Variants in DCP1B observed in about 807,000 individuals in gnomAD.
DCP1B encodes the protein mRNA-decapping enzyme 1B.
DCP1B carries 47 observed loss-of-function variants against 60.5 expected under a neutral mutation model. That is an observed-to-expected ratio of 0.78 (90% CI 0.61 to 0.99). The LOEUF (loss-of-function observed/expected upper bound fraction) is 0.99, where lower values mean the gene tolerates loss of function less well. Ranked by LOEUF, DCP1B falls within the 50% of genes least tolerant of loss-of-function variation. The pLI, the probability that DCP1B is intolerant of heterozygous loss-of-function variation, is 0.00. For missense variants in DCP1B, 725 were observed against 756.8 expected, an observed-to-expected ratio of 0.96 and a Z score of 0.49; for synonymous variants, 267 against 280.3, an observed-to-expected ratio of 0.95 and a Z score of 0.47.
chr12:1,986,810 C>A (rs1313481424), intron 3 of DCP1B, among the ~76,000 whole-genome samples: 1 of 152,192 alleles, frequency 6.6e-6, no homozygotes, highest in Non-Finnish European at 1.5e-5. Context: ...TGTCTGTTGT[C>A]ATTTACTTTC....
At chr12:1,966,340 C>T (rs1245254657) in intron 4 of DCP1B, among the ~76,000 whole-genome samples, 4 of 152,200 alleles carry the variant, frequency 2.6e-5, no homozygotes, top group South Asian at 2.1e-4. Flanking sequence ...CTTAGAGCAA[C>T]GAGGAGTTCT....
Position 1,965,693 on chromosome 12 carries a change from G to A in DCP1B, c.387C>T (p.Asn129=), listed in dbSNP as rs1433815099. ...CTTTCAACTGTTCATACTGAGTTAGGCTAGAAAAACAGAGGGGAAAATCCA... is the reference window on the plus strand; with the variant it reads ...CTTTCAACTGTTCATACTGAGTTAGACTAGAAAAACAGAGGGGAAAATCCA... The part of the protein sequence containing the change: ...ECQRIAELMK[N]LTQYEQLKAH... The change falls in exon 5 of 9, where the codon AAC becomes AAT. Residue 129 remains asparagine, a splice_region_variant and synonymous_variant. Transcript: ENST00000280665. The A allele has an allele frequency of 6.2e-7, 1 of 1,601,812 alleles. No homozygotes were observed. Among genetic ancestry groups the A allele is most frequent in the East Asian group, 2.3e-5 (1 of 44,206 alleles).
In DCP1B at chr12:1,967,842, A is replaced by T. The variant is rs1408037653; in HGVS notation, c.386+2T>A. ...AAAAATATTTAGCCTTTTAGTACTT[A>T]CTTTTTCATAAGCTCTGCAATTCTT... is the stretch of plus-strand genomic sequence containing the variant. On this transcript the variant is annotated splice_donor_variant, in intron 4 of 8. Transcript: ENST00000280665. LOFTEE classifies it high-confidence loss of function. 6.2e-7 allele frequency: 1 copy of T among 1,611,554 alleles called. No homozygotes were observed. Among genetic ancestry groups the T allele is most frequent in the East Asian group, 2.2e-5 (1 of 44,740 alleles).
In DCP1B at chr12:1,950,110, C is replaced by T. The variant is rs1357639077; in HGVS notation, c.1525-776G>A. ...AAAAAGAATGTTATTTATCAGCCTC[C>T]GAACTCCCCGAAAGAACTCCTAAGA... On this transcript the variant is annotated intron_variant, in intron 7 of 8. Coordinates refer to ENST00000280665, the MANE Select transcript of DCP1B (RefSeq NM_152640.5). The T allele has an allele frequency of 4.7e-5, 25 of 530,618 alleles. 1 individual carries two copies. Among genetic ancestry groups the T allele is most frequent in the Non-Finnish European group, 7.7e-5 (23 of 297,568 alleles). The allele number at this position is 530,618 out of a possible 1,614,324, so 32.9% of individuals were successfully genotyped here.
chr12:1,980,490 T>C (rs938151241), intron 3 of DCP1B, among the ~76,000 whole-genome samples: 2 of 152,080 alleles, frequency 1.3e-5, no homozygotes, highest in African/African-American at 4.8e-5. Context: ...GAGTCAGATA[T>C]ATGTACATGT....
At chr12:1,975,988 G>A (rs916953531) in intron 3 of DCP1B, among the ~76,000 whole-genome samples, 1 of 152,242 alleles carries the variant, frequency 6.6e-6, no homozygotes, top group African/African-American at 2.4e-5. Context: ...ACTATCTGGT[G>A]TCACAACTCA....
chr12:1,949,048 C>G (rs368028506), intron 8 of DCP1B, 38 bp downstream of exon 8: 4 of 1,595,756 alleles, frequency 2.5e-6, no homozygotes, highest in African/African-American at 1.3e-5. Context: ...GGCCAACAGG[C>G]GTGGTCAGGT....
At chr12:1,998,040 A>G in intron 1 of DCP1B, 65 bp from the exon 2 acceptor site, 1 of 1,407,528 alleles carries the variant, frequency 7.1e-7, no homozygotes, top group East Asian at 2.4e-5. Context: ...GGTATAAAAC[A>G]AATTCTCATA....
Position 1,955,496 on chromosome 12 carries a change from A to T in DCP1B, c.587T>A (p.Leu196His), listed in dbSNP as rs769308617. The change falls in exon 6 of 9, where the codon CTC becomes CAC. Residue 196 changes from leucine (L) to histidine (H), a missense_variant. Leu to His is a moderately conservative substitution (Grantham distance 99). Coordinates refer to ENST00000280665, the MANE Select transcript of DCP1B (RefSeq NM_152640.5). The part of the protein sequence containing the change: ...SSSAIYDNPN[L>H]IKPIPVKPSE... ...GGGTTTCACTGGAATTGGTTTGATG[A>T]GATTTGGATTGTCATAGATGGCAGA... 1 of 1,613,900 alleles carries T rather than the reference A, an allele frequency of 6.2e-7. No individual in the cohort carries two copies. The highest frequency in any genetic ancestry group is 8.5e-7 in the Non-Finnish European group (1 of 1,179,850).
At chr12:2,002,992 C>G (rs1172243085) in intron 1 of DCP1B, among the ~76,000 whole-genome samples, 2 of 152,120 alleles carry the variant, frequency 1.3e-5, no homozygotes, top group Admixed American at 6.5e-5. Flanking sequence ...TCAAGAGGTA[C>G]ACTTTCTATT....
chr12:1,948,287 G>A lies in DCP1B; in HGVS notation c.1773+799C>T, dbSNP rs1338867312. Reference sequence around the variant, plus strand: ...CATTCATGTGGTGAACGTGGCCCACGGGAGAGTACGTGGGAAGTGGCACTC... The same window carrying A: ...CATTCATGTGGTGAACGTGGCCCACAGGAGAGTACGTGGGAAGTGGCACTC... On this transcript the variant is annotated intron_variant, in intron 8 of 8. Coordinates refer to ENST00000280665, the MANE Select transcript of DCP1B (RefSeq NM_152640.5). The surrounding 1 kb of genome is among the most constrained non-coding windows in gnomAD (Gnocchi z 4.8). 3.9e-5 allele frequency among the ~76,000 whole-genome samples: 6 copies of A among 152,206 alleles called. No individual in the cohort carries two copies. Among genetic ancestry groups the A allele is most frequent in the African/African-American group, 9.6e-5 (4 of 41,462 alleles).
intron 7 of DCP1B, among the ~76,000 whole-genome samples, 166 bp downstream of exon 7, chr12:1,952,250 T>G (rs2429183): frequency 0.017 from 2,511 of 152,168 alleles, 74 homozygotes; most frequent in African/African-American, 0.057. Flanking sequence ...CATGGTTCAC[T>G]GTAACCTCCG....
At position 2,004,353 on chromosome 12, in the gene DCP1B, A is replaced by G; in HGVS notation, c.79T>C (p.Tyr27His). ...SLAALQRHDPYINRIVDVASQ... is the reference protein window; with the variant it reads ...SLAALQRHDPHINRIVDVASQ... ...GCCACGTCCACGATGCGGTTGATATAGGGGTCGTGGCGCTGCAGGGCCGCT... is the reference window on the plus strand; with the variant it reads ...GCCACGTCCACGATGCGGTTGATATGGGGGTCGTGGCGCTGCAGGGCCGCT... Residue 27 changes from tyrosine (Y) to histidine (H), a missense_variant, in exon 1 of 9, where the codon TAT (tyrosine) becomes CAT (histidine). Coordinates refer to ENST00000280665, the MANE Select transcript of DCP1B (RefSeq NM_152640.5). 1 of 1,613,306 alleles carries G rather than the reference A, an allele frequency of 6.2e-7. No homozygotes were observed. The highest frequency in any genetic ancestry group is 8.5e-7 in the Non-Finnish European group (1 of 1,179,932).
In DCP1B at chr12:1,948,569, C is replaced by A. The variant is rs987430130; in HGVS notation, c.1773+517G>T. Among the ~76,000 whole-genome samples, 1 of 152,336 alleles carries A rather than the reference C, an allele frequency of 6.6e-6. No individual in the cohort carries two copies. Among genetic ancestry groups the A allele is most frequent in the South Asian group, 2.1e-4 (1 of 4,830 alleles). ...GTGAGGCTAGCAGCTCACAAGGAGT[C>A]CTGTCACTCCATCCCGTCCTAATGA... On this transcript the variant is annotated intron_variant, in intron 8 of 8. Coordinates refer to ENST00000280665, the MANE Select transcript of DCP1B (RefSeq NM_152640.5). This position sits in a 1 kb window ranked among gnomAD's most constrained non-coding sequence, Gnocchi z 4.8.
intron 3 of DCP1B, among the ~76,000 whole-genome samples, chr12:1,977,264 C>G (rs1318042129): frequency 1.3e-5 from 2 of 152,128 alleles, no homozygotes; most frequent in Admixed American, 6.5e-5. Flanking sequence ...TTAGCATGCT[C>G]GGCCATGATG....
At chr12:1,983,419 A>T (rs2036736696) in intron 3 of DCP1B, among the ~76,000 whole-genome samples, 1 of 151,964 alleles carries the variant, frequency 6.6e-6, no homozygotes, top group African/African-American at 2.4e-5. Flanking sequence ...TTGCAACTGA[A>T]ATATTATAAT....
Position 1,993,282 on chromosome 12 carries a change from GAAGGA to G in DCP1B, c.296_300del (p.Phe99SerfsTer16). The G allele has an allele frequency of 6.2e-7, 1 of 1,614,128 alleles. No individual in the cohort carries two copies. The highest frequency in any genetic ancestry group is 1.3e-5 in the African/African-American group (1 of 75,054). On this transcript the variant is annotated frameshift_variant, in exon 3 of 9. Coordinates refer to ENST00000280665, the MANE Select transcript of DCP1B (RefSeq NM_152640.5). LOFTEE classifies it high-confidence loss of function. Reference sequence around the variant, plus strand: ...GACTCACATCTGGCATTTCTGTAGAGAAGGAAAGGGTCCTGGAGTTGGAAATCCAA... The same window carrying G: ...GACTCACATCTGGCATTTCTGTAGAGAAGGGTCCTGGAGTTGGAAATCCAA...
At chr12:2,003,928 G>A (rs1194929498) in intron 1 of DCP1B, among the ~76,000 whole-genome samples, 9 of 152,166 alleles carry the variant, frequency 5.9e-5, no homozygotes, top group South Asian at 2.1e-4. Flanking sequence ...CAGATTCACT[G>A]TAACAGAACT....
At chr12:1,951,266 ACT>A (rs1003984908) in intron 7 of DCP1B, among the ~76,000 whole-genome samples, 4 of 152,270 alleles carry the variant, frequency 2.6e-5, no homozygotes, top group Admixed American at 1.3e-4. Context: ...CAAGAGTGAA[ACT>A]CTGTCTCAAA....
Sources: gnomAD v4.1 joint callset for allele counts (sites outside exome capture counted in the v4.1 genomes callset) on GRCh38, gnomAD v4.1.1 for gene constraint, Gnocchi (gnomAD v3.1) non-coding constraint, MANE v1.5 for transcripts, NCBI Gene and HGNC (gene_info 2026-07-23, HGNC 2026-07-21) for gene names.